Variants in MEIS2 observed in about 807,000 individuals in gnomAD.
The protein encoded by MEIS2 is homeobox protein Meis2.
A neutral mutation model predicts 58.6 loss-of-function variants in MEIS2; 9 were observed. That is an observed-to-expected ratio of 0.15 (90% CI 0.09 to 0.27). MEIS2 has a LOEUF of 0.27. Among genes scored for constraint, MEIS2 ranks in the 10% least tolerant of loss-of-function variants. MEIS2 has a pLI of 1.00. For synonymous variants in MEIS2, 221 were observed against 228.4 expected (o/e 0.97, Z 0.29); for missense variants, 427 against 635.0 (o/e 0.67, Z 3.52).
At chr15:36,911,918 A>G (rs1237209923) in intron 9 of MEIS2, among the ~76,000 whole-genome samples, 2 of 152,226 alleles carry the variant, frequency 1.3e-5, no homozygotes, top group Non-Finnish European at 2.9e-5. Flanking sequence ...AAAGTCAGGC[A>G]AGCGCCATTA....
At position 36,915,198 on chromosome 15, in the gene MEIS2, GAAA is replaced by G. The variant is rs5811947; in HGVS notation, c.978-18515_978-18513del. 1.1e-3 allele frequency among the ~76,000 whole-genome samples: 156 copies of G among 145,912 alleles called. 1 individual carries two copies. Among genetic ancestry groups the G allele is most frequent in the Middle Eastern group, 3.6e-3 (1 of 280 alleles). ...AACATAGTCCAAGTACAACTTCTGG[GAAA>G]AAAAAAAAAAAAAGTTGTGTTTACT... On this transcript the variant is annotated intron_variant, in intron 9 of 11. Coordinates refer to ENST00000561208, the MANE Select transcript of MEIS2 (RefSeq NM_170675.5).
At chr15:37,086,256 C>T (rs1057290982) in intron 6 of MEIS2, among the ~76,000 whole-genome samples, 4 of 152,144 alleles carry the variant, frequency 2.6e-5, no homozygotes, top group Non-Finnish European at 5.9e-5. Flanking sequence ...GCAAGTCTTT[C>T]TGTTTAGGTG....
chr15:36,905,315 C>T (rs761357709), intron 9 of MEIS2, among the ~76,000 whole-genome samples: 119 of 152,076 alleles, frequency 7.8e-4, no homozygotes, highest in Non-Finnish European at 3.4e-4. Context: ...AGAATGGTTG[C>T]TAAACATTCT....
rs2055900763 is a variant in MEIS2, at chr15:36,892,252, A to G, written c.1355T>C (p.Met452Thr). Residue 452 changes from methionine (M) to threonine (T), a missense_variant, in exon 12 of 12, where the codon ATG becomes ACG. Around this residue, in one of 6 missense-constraint regions of MEIS2, gnomAD observed 154 missense variants for 148.1 expected, o/e 1.04. Coordinates refer to ENST00000561208, the MANE Select transcript of MEIS2 (RefSeq NM_170675.5). The part of the protein sequence containing the change: ...GGPPTHPGMT[M>T]SAQSPTMLNS... ...TAACATTGTGGGGCTCTGTGCTGAC[A>G]TAGTCATTCCAGGGTGGGTAGGGGG... The G allele has an allele frequency of 6.2e-7, 1 of 1,614,046 alleles. No individual in the cohort carries two copies. The highest frequency in any genetic ancestry group is 1.1e-5 in the South Asian group (1 of 91,078).
At chr15:36,984,467 C>T (rs183999940) in intron 8 of MEIS2, among the ~76,000 whole-genome samples, 70 of 152,148 alleles carry the variant, frequency 4.6e-4, no homozygotes, top group Non-Finnish European at 8.8e-4. Context: ...GTGATCCTTT[C>T]AATGTGCTGT....
intron 7 of MEIS2, among the ~76,000 whole-genome samples, chr15:37,048,906 A>G (rs891629986): frequency 6.6e-6 from 1 of 152,192 alleles, no homozygotes; most frequent in Non-Finnish European, 1.5e-5. Flanking sequence ...TTTGGAACAT[A>G]TTTGTTAGCT....
intron 9 of MEIS2, among the ~76,000 whole-genome samples, chr15:36,933,601 TG>T (rs2058059045): frequency 1.7e-5 from 1 of 57,612 alleles, no homozygotes. Context: ...TGTGTGTGTG[TG>T]GTGGGGGTGG....
chr15:37,034,165 G>C (rs80296705), intron 8 of MEIS2, among the ~76,000 whole-genome samples: 2,454 of 152,242 alleles, frequency 0.016, 67 homozygotes, highest in African/African-American at 0.056. Flanking sequence ...GGCTGGGACC[G>C]GGCATTGCTC....
chr15:37,077,407 A>G (rs184563473), intron 7 of MEIS2, among the ~76,000 whole-genome samples: 1 of 152,220 alleles, frequency 6.6e-6, no homozygotes, highest in Admixed American at 6.6e-5. Flanking sequence ...AGAGAATGAC[A>G]GTTTTTCATG....
At chr15:36,992,145 C>T (rs1419260713) in intron 8 of MEIS2, among the ~76,000 whole-genome samples, 2 of 152,078 alleles carry the variant, frequency 1.3e-5, no homozygotes, top group Non-Finnish European at 2.9e-5. Context: ...TAGTCGGCTT[C>T]ATTTATAGTT....
At chr15:37,005,342 A>G (rs1353091920) in intron 8 of MEIS2, among the ~76,000 whole-genome samples, 1 of 152,252 alleles carries the variant, frequency 6.6e-6, no homozygotes, top group African/African-American at 2.4e-5. Context: ...GTGGGACTTC[A>G]GCAGGGAGTC....
rs552920321 is a variant in MEIS2 at position 36,965,043 on chromosome 15, T to TC, written c.901-14644_901-14643insG. On this transcript the variant is annotated intron_variant, in intron 8 of 11. Coordinates refer to ENST00000561208, the MANE Select transcript of MEIS2 (RefSeq NM_170675.5). ...GTAAAGAACCGAACGCAGGAAGCAT[T>TC]TGTGACTTATTACTTGTTTGTGATC... 3.5e-3 allele frequency among the ~76,000 whole-genome samples: 534 copies of TC among 152,312 alleles called. 1 individual carries two copies. Among genetic ancestry groups the TC allele is most frequent in the African/African-American group, 0.012 (509 of 41,578 alleles).
Position 37,083,882 on chromosome 15 carries a change from G to T in MEIS2, c.643C>A (p.Pro215Thr). ...GSSTNLADHNPSSWRDHDDAT... is the reference protein window; with the variant it reads ...GSSTNLADHNTSSWRDHDDAT... ...TCATCGTGGTCTCGCCAAGAAGAAG[G>T]GTTCTGATGTCAGGATACCAAGGAA... Residue 215 changes from proline (P) to threonine (T), a missense_variant, in exon 7 of 12, where the codon CCT (proline) becomes ACT (threonine). Pro to Thr is a conservative substitution (Grantham distance 38). Around this residue, in one of 6 missense-constraint regions of MEIS2, gnomAD observed 138 missense variants for 263.0 expected, o/e 0.52. Transcript: ENST00000561208. The T allele has an allele frequency of 6.2e-7, 1 of 1,613,640 alleles. No homozygotes were observed. The highest frequency in any genetic ancestry group is 8.5e-7 in the Non-Finnish European group (1 of 1,179,762).
intron 9 of MEIS2, among the ~76,000 whole-genome samples, chr15:36,941,200 G>A (rs949983628): frequency 3.9e-5 from 6 of 152,094 alleles, no homozygotes; most frequent in Admixed American, 2.0e-4. Flanking sequence ...AGTAACTCAC[G>A]GCTAAGAAAG....
chr15:36,892,194 A>G lies in MEIS2; in HGVS notation c.1413T>C (p.Val471=), dbSNP rs745447638. ...TATACTATTGGGCATGAATGTCCAT[A>G]ACCTGTCCGCCAACATTGGGATCTA... ...NSVDPNVGGQ[V]MDIHAQ Residue 471 remains valine, a synonymous_variant, in exon 12 of 12, where the codon GTT becomes GTC. Coordinates refer to ENST00000561208, the MANE Select transcript of MEIS2 (RefSeq NM_170675.5). The G allele has an allele frequency of 6.2e-7, 1 of 1,614,192 alleles. No homozygotes were observed. The highest frequency in any genetic ancestry group is 8.5e-7 in the Non-Finnish European group (1 of 1,180,040).
At chr15:36,903,309 G>C (rs999570169) in intron 9 of MEIS2, among the ~76,000 whole-genome samples, 1 of 152,104 alleles carries the variant, frequency 6.6e-6, no homozygotes, top group African/African-American at 2.4e-5. Flanking sequence ...AAAGCTATTT[G>C]AAAGCAAGGG....
At chr15:36,961,247 A>T (rs185504661) in intron 8 of MEIS2, among the ~76,000 whole-genome samples, 2 of 152,268 alleles carry the variant, frequency 1.3e-5, no homozygotes, top group Non-Finnish European at 2.9e-5. Flanking sequence ...TAGTAAATGG[A>T]GCACCTTCAA....
chr15:36,968,708 A>G (rs182623632), intron 8 of MEIS2, among the ~76,000 whole-genome samples: 25 of 152,334 alleles, frequency 1.6e-4, no homozygotes. Flanking sequence ...AAAGCAATTC[A>G]CTTGTGCAGT....
intron 7 of MEIS2, among the ~76,000 whole-genome samples, chr15:37,044,115 T>C (rs1341036504): frequency 6.6e-6 from 1 of 152,222 alleles, no homozygotes; most frequent in Non-Finnish European, 1.5e-5. Flanking sequence ...ATCTCCATTC[T>C]ACAGATAAGA....
Sources: gnomAD v4.1 joint callset for allele counts (sites outside exome capture counted in the v4.1 genomes callset) on GRCh38, gnomAD v4.1.1 for gene constraint, gnomAD v4.1.1 regional missense constraint, MANE v1.5 for transcripts, NCBI Gene and HGNC (gene_info 2026-07-23, HGNC 2026-07-21) for gene names.